Variants in LARGE1 observed in about 807,000 individuals in gnomAD.
LARGE1 encodes the protein LARGE xylosyl- and glucuronyltransferase 1.
LARGE1 carries 43 observed loss-of-function variants against 87.6 expected under a neutral mutation model. The observed-to-expected ratio is 0.49, with a 90% CI of 0.38 to 0.63. The LOEUF (loss-of-function observed/expected upper bound fraction) is 0.63. Among genes scored for constraint, LARGE1 ranks in the 30% least tolerant of loss-of-function variants. The probability of loss-of-function intolerance (pLI) is 0.00; values close to 1 mark genes in which losing one functional copy is unlikely to be tolerated. For missense variants in LARGE1, 802 were observed against 1,000.2 expected, an observed-to-expected ratio of 0.80 and a Z score of 2.67; for synonymous variants, 434 against 394.6, an observed-to-expected ratio of 1.10 and a Z score of -1.18.
chr22:33,366,000 G>A (rs1193078771), intron 9 of LARGE1, among the ~76,000 whole-genome samples: 10 of 152,174 alleles, frequency 6.6e-5, no homozygotes. Flanking sequence ...TATGGTATGC[G>A]TTTTTGATGT....
rs144835461 is a variant in LARGE1, at chr22:33,647,220, G to GAC, written c.408+3145_408+3146dup. ...AAGTTTGAGAACCACCCATGTGACA[G>GAC]ACATGGTTCACTGTGACCACAGTAA... is the stretch of plus-strand genomic sequence containing the variant. On this transcript the variant is annotated intron_variant, in intron 3 of 14. Transcript: ENST00000397394. Among the ~76,000 whole-genome samples, 1,508 of 152,326 alleles carry GAC rather than the reference G, an allele frequency of 9.9e-3. 27 individuals are homozygous for GAC. Among genetic ancestry groups the GAC allele is most frequent in the African/African-American group, 0.034 (1,429 of 41,580 alleles).
chr22:33,508,117 T>C (rs2070852176), intron 6 of LARGE1, among the ~76,000 whole-genome samples: 1 of 152,170 alleles, frequency 6.6e-6, no homozygotes, highest in South Asian at 2.1e-4. Context: ...CCTCAAAAAC[T>C]TTCACAGAGA....
chr22:33,687,508 C>T (rs1320013687), intron 2 of LARGE1, among the ~76,000 whole-genome samples: 1 of 151,954 alleles, frequency 6.6e-6, no homozygotes, highest in Non-Finnish European at 1.5e-5. Flanking sequence ...TTAACATATC[C>T]CCAGGGCTGA....
chr22:33,241,799 A>C (rs920147960), intron 11 of LARGE1, among the ~76,000 whole-genome samples: 2 of 152,106 alleles, frequency 1.3e-5, no homozygotes, highest in Non-Finnish European at 2.9e-5. Context: ...AAATCTAAAC[A>C]AGTTGAACTC....
chr22:33,470,235 C>G (rs912436138), intron 6 of LARGE1, among the ~76,000 whole-genome samples: 11 of 152,038 alleles, frequency 7.2e-5, no homozygotes, highest in African/African-American at 2.7e-4. Context: ...TACACCAAAC[C>G]CTCATGACAT....
intron 6 of LARGE1, among the ~76,000 whole-genome samples, chr22:33,479,328 G>GGCAT (rs2069211927): frequency 6.6e-6 from 1 of 152,158 alleles, no homozygotes; most frequent in Non-Finnish European, 1.5e-5. Context: ...CACCTGATGA[G>GGCAT]CATTCAGCAA....
chr22:33,442,294 GC>G (rs2067507669), intron 6 of LARGE1, among the ~76,000 whole-genome samples: 1 of 152,202 alleles, frequency 6.6e-6, no homozygotes, highest in Non-Finnish European at 1.5e-5. Context: ...TGTGCTAACT[GC>G]TACAGACACA....
At chr22:33,708,995 CTCT>C (rs1257043731) in intron 2 of LARGE1, among the ~76,000 whole-genome samples, 1 of 152,126 alleles carries the variant, frequency 6.6e-6, no homozygotes, top group South Asian at 2.1e-4. Flanking sequence ...GTGTCCTAAT[CTCT>C]TCTTCTTATA....
chr22:33,376,823 T>C (rs2065009908), intron 9 of LARGE1, among the ~76,000 whole-genome samples: 1 of 152,206 alleles, frequency 6.6e-6, no homozygotes, highest in African/African-American at 2.4e-5. Flanking sequence ...CCCAGCACTT[T>C]GAGATGGTAA....
intron 1 of LARGE1, among the ~76,000 whole-genome samples, chr22:33,840,978 T>C (rs2063265518): frequency 3.3e-5 from 5 of 152,232 alleles, no homozygotes. Context: ...GAAACTATAC[T>C]TGAGTACCCA....
chr22:33,607,237 G>A (rs1459149837), intron 4 of LARGE1, among the ~76,000 whole-genome samples: 1 of 152,020 alleles, frequency 6.6e-6, no homozygotes, highest in Non-Finnish European at 1.5e-5. Flanking sequence ...CGAGGTGGGC[G>A]GATCACCTGA....
chr22:33,638,270 G>A (rs529285767), intron 3 of LARGE1, among the ~76,000 whole-genome samples: 1 of 152,288 alleles, frequency 6.6e-6, no homozygotes, highest in Admixed American at 6.5e-5. Flanking sequence ...TAGGTGAGAC[G>A]CATCAAGTTT....
chr22:33,693,518 C>G (rs1010477633), intron 2 of LARGE1, among the ~76,000 whole-genome samples: 5 of 152,138 alleles, frequency 3.3e-5, no homozygotes, highest in African/African-American at 1.2e-4. Context: ...AAACAAGAGT[C>G]ATTCTACTAT....
Position 33,359,923 on chromosome 22 carries a change from A to G in LARGE1, c.1131+21996T>C, listed in dbSNP as rs1051146348. ...CAATCTAGGAGTGGCCAACCCAGAG[A>G]TTCCTTCCTTGTCTATAAGGAACAT... On this transcript the variant is annotated intron_variant, in intron 9 of 14. Coordinates refer to ENST00000397394, the MANE Select transcript of LARGE1 (RefSeq NM_133642.5). Among the ~76,000 whole-genome samples the G allele has an allele frequency of 4.0e-5, 6 of 149,498 alleles. 1 individual carries two copies. Among genetic ancestry groups the G allele is most frequent in the African/African-American group, 1.5e-4 (6 of 40,552 alleles).
intron 9 of LARGE1, 92 bp from the exon 10 acceptor site, chr22:33,337,893 A>G: frequency 7.2e-7 from 1 of 1,379,580 alleles, no homozygotes; most frequent in East Asian, 2.3e-5. Flanking sequence ...CACTGGGCTA[A>G]GCATTATTTG....
intron 1 of LARGE1, among the ~76,000 whole-genome samples, chr22:33,887,713 A>C (rs1225749799): frequency 6.6e-6 from 1 of 151,950 alleles, no homozygotes; most frequent in Non-Finnish European, 1.5e-5. Flanking sequence ...CTCCAGCCTA[A>C]GTGACAAGAG....
intron 2 of LARGE1, chr22:33,657,135 G>T (rs1051796586): frequency 6.6e-6 from 1 of 152,264 alleles, no homozygotes; most frequent in African/African-American, 2.4e-5. Flanking sequence ...CTCCCATGAA[G>T]GGGGCTCAGA....
At chr22:33,604,083 C>T (rs780674253) in intron 5 of LARGE1, among the ~76,000 whole-genome samples, 2 of 152,092 alleles carry the variant, frequency 1.3e-5, no homozygotes, top group African/African-American at 2.4e-5. Context: ...CAAATTTAAA[C>T]CCCAGCCCAT....
chr22:33,558,425 G>T (rs1212089997), intron 6 of LARGE1, among the ~76,000 whole-genome samples: 2 of 152,160 alleles, frequency 1.3e-5, no homozygotes, highest in Admixed American at 6.5e-5. Context: ...AAAGAAACAC[G>T]CAAGGTCCAA....
Sources: allele counts gnomAD v4.1 joint callset (sites outside exome capture counted in the v4.1 genomes callset), GRCh38; gene constraint gnomAD v4.1.1; transcripts MANE v1.5; gene names NCBI Gene and HGNC (gene_info 2026-07-23, HGNC 2026-07-21).